Variants in ICE1 observed in about 807,000 individuals in gnomAD.
The protein encoded by ICE1 is little elongation complex subunit 1.
ICE1 carries 64 observed loss-of-function variants against 192.7 expected under a neutral mutation model. The observed-to-expected ratio is 0.33, with a 90% CI of 0.27 to 0.41. ICE1 has a LOEUF of 0.41. Ranked by LOEUF, ICE1 falls within the 10% of genes least tolerant of loss-of-function variation. The pLI is 1.00. For synonymous variants in ICE1, 1,010 were observed against 984.5 expected (o/e 1.03, Z -0.49); for missense variants, 2,708 against 2,696.0 (o/e 1.00, Z -0.10).
intron 17 of ICE1, among the ~76,000 whole-genome samples, chr5:5,482,775 AACACAC>A (rs70965943): frequency 0.035 from 4,824 of 136,048 alleles, 250 homozygotes; most frequent in East Asian, 0.26. Context: ...CCCACCCCCC[AACACAC>A]ACACACACAC....
intron 10 of ICE1, among the ~76,000 whole-genome samples, chr5:5,448,408 A>G (rs189353212): frequency 6.6e-6 from 1 of 151,560 alleles, no homozygotes; most frequent in African/African-American, 2.4e-5. Flanking sequence ...GTGGACACAC[A>G]CTGCGTTACT....
chr5:5,465,393 G>A (rs73736657), intron 13 of ICE1, among the ~76,000 whole-genome samples, 167 bp downstream of exon 13: 9,488 of 152,216 alleles, frequency 0.062, 971 homozygotes, highest in African/African-American at 0.22. Flanking sequence ...GCATTTTACA[G>A]ATTTAAAATA....
chr5:5,460,420 A>G lies in ICE1; in HGVS notation c.1102-16A>G. ...GTTGAATTAGTGTTTGACAAGTGTA[A>G]TTCATATTTTTTAAGGAAACCTACT... On this transcript the variant is annotated splice_polypyrimidine_tract_variant and intron_variant, in intron 12 of 18. Coordinates refer to ENST00000296564, the MANE Select transcript of ICE1 (RefSeq NM_015325.3). 1 of 1,415,806 alleles carries G rather than the reference A, an allele frequency of 7.1e-7. No homozygotes were observed. Among genetic ancestry groups the G allele is most frequent in the Non-Finnish European group, 9.6e-7 (1 of 1,038,730 alleles). The allele number at this position is 1,415,806 out of a possible 1,614,324, so 87.7% of individuals were successfully genotyped here.
intron 7 of ICE1, among the ~76,000 whole-genome samples, chr5:5,445,763 C>T (rs1483889571): frequency 1.3e-5 from 2 of 151,090 alleles, no homozygotes; most frequent in Non-Finnish European, 2.9e-5. Flanking sequence ...GAGGAAGTCT[C>T]GCTCTGTCGC....
chr5:5,435,346 T>C (rs1024144000), intron 1 of ICE1, among the ~76,000 whole-genome samples: 1 of 152,218 alleles, frequency 6.6e-6, no homozygotes, highest in African/African-American at 2.4e-5. Flanking sequence ...AAGGGAAATA[T>C]TACTGTAACT....
At chr5:5,452,074 G>GA (rs1209708290) in intron 10 of ICE1, among the ~76,000 whole-genome samples, 7 of 150,368 alleles carry the variant, frequency 4.7e-5, no homozygotes, top group Admixed American at 3.3e-4. Context: ...TGAGGTAATG[G>GA]AAAAAAAATT....
At chr5:5,455,934 ACCT>A (rs895596673) in intron 11 of ICE1, among the ~76,000 whole-genome samples, 2 of 149,788 alleles carry the variant, frequency 1.3e-5, no homozygotes, top group African/African-American at 4.9e-5. Context: ...TCTTGCTTTC[ACCT>A]CCTCCAGTCC....
At chr5:5,452,698 A>C (rs1199563731) in intron 10 of ICE1, among the ~76,000 whole-genome samples, 1 of 152,138 alleles carries the variant, frequency 6.6e-6, no homozygotes, top group Non-Finnish European at 1.5e-5. Flanking sequence ...AGAATAATAC[A>C]ATTTTTCAAC....
rs768912519 is a variant in ICE1 at position 5,463,716 on chromosome 5, G to T, written c.4382G>T (p.Cys1461Phe). The T allele has an allele frequency of 1.0e-4, 162 of 1,613,798 alleles. No individual in the cohort carries two copies. The highest frequency in any genetic ancestry group is 1.3e-4 in the Admixed American group (8 of 60,000). Residue 1461 changes from cysteine to phenylalanine, a missense_variant, in exon 13 of 19, where the codon TGC becomes TTC. Physicochemically the swap from Cys to Phe is radical, Grantham distance 205. Transcript: ENST00000296564. ...GATCAAGGAGAGCTGGAAGCTGGTT[G>T]CATCCCAGTGACTTCTGCTGAGAAG... ...SQDQGELEAGCIPVTSAEKSP... is the reference protein window; with the variant it reads ...SQDQGELEAGFIPVTSAEKSP...
Position 5,437,060 on chromosome 5 carries a change from T to A in ICE1, c.144-20T>A. 1 of 1,404,210 alleles carries A rather than the reference T, an allele frequency of 7.1e-7. No homozygotes were observed. The highest frequency in any genetic ancestry group is 1.2e-5 in the South Asian group (1 of 80,666). 87.0% of individuals were successfully genotyped at this position (1,404,210 alleles called of 1,614,324 possible). On this transcript the variant is annotated intron_variant, in intron 2 of 18. Coordinates refer to ENST00000296564, the MANE Select transcript of ICE1 (RefSeq NM_015325.3). ...TTTCTAAATTAAAAAGTAACCTAAT[T>A]TTTCTTTTCTTTTTTGCAGTAATTT...
chr5:5,462,955 C>G lies in ICE1; in HGVS notation c.3621C>G (p.Asn1207Lys), dbSNP rs1348725670. The change falls in exon 13 of 19, where the codon AAC becomes AAG. Residue 1207 changes from asparagine to lysine, a missense_variant. Transcript: ENST00000296564. ...AAGGAACCCTAAGTAAAGAAATGAA[C>G]AAAGAATTAAAGGCAAGTGAAATAG... ...SSKGTLSKEM[N>K]KELKASEIGE... 2.5e-6 allele frequency: 4 copies of G among 1,612,458 alleles called. No individual in the cohort carries two copies. In the South Asian group the frequency reaches 4.4e-5, roughly 18 times the overall value.
intron 1 of ICE1, among the ~76,000 whole-genome samples, chr5:5,435,694 T>TTC (rs1737854138): frequency 1.8e-5 from 2 of 110,174 alleles, no homozygotes; most frequent in African/African-American, 8.3e-5. Flanking sequence ...GTTTTTTTTT[T>TTC]CGAGATGGAA....
chr5:5,461,017 A>G lies in ICE1; in HGVS notation c.1683A>G (p.Ser561=). ...CTAAAATGATGGGATCGCCCAAATC[A>G]GAGTTTACTAAGTGGACACGAATTA... The part of the protein sequence containing the change: ...VLSKMMGSPK[S]EFTKWTRINE... The change falls in exon 13 of 19, where the codon TCA becomes TCG. Residue 561 remains serine, a synonymous_variant. Coordinates refer to ENST00000296564, the MANE Select transcript of ICE1 (RefSeq NM_015325.3). 1 of 1,614,084 alleles carries G rather than the reference A, an allele frequency of 6.2e-7. No homozygotes were observed. The highest frequency in any genetic ancestry group is 1.1e-5 in the South Asian group (1 of 91,086).
intron 10 of ICE1, among the ~76,000 whole-genome samples, chr5:5,454,230 A>G (rs1226368814): frequency 6.6e-6 from 1 of 152,184 alleles, no homozygotes; most frequent in Non-Finnish European, 1.5e-5. Flanking sequence ...TGGGCCAAAG[A>G]TTCATTTGTC....
rs1738799575 is a variant in ICE1, at chr5:5,461,945, C to G, written c.2611C>G (p.Gln871Glu). The G allele has an allele frequency of 6.2e-7, 1 of 1,613,916 alleles. No homozygotes were observed. Among genetic ancestry groups the G allele is most frequent in the East Asian group, 2.2e-5 (1 of 44,880 alleles). The change falls in exon 13 of 19, where the codon CAG (glutamine) becomes GAG (glutamate). Residue 871 changes from glutamine (Q) to glutamate (E), a missense_variant. Around this residue, in one of 2 missense-constraint regions of ICE1, gnomAD observed 2,366 missense variants for 2,276.6 expected, o/e 1.04. Coordinates refer to ENST00000296564, the MANE Select transcript of ICE1 (RefSeq NM_015325.3). ...AAAACAGACAAGACCTGAAAAGGTT[C>G]AGAGTGCCAAATTGGAACACTTGAG... ...ITKQTRPEKV[Q>E]SAKLEHLRPH...
At position 5,423,147 on chromosome 5, in the gene ICE1, C is replaced by T. The variant is rs544010635; in HGVS notation, c.84+148C>T. 393 of 430,832 alleles carry T rather than the reference C, an allele frequency of 9.1e-4. No homozygotes were observed. In the Middle Eastern group the frequency reaches 0.011, roughly 12 times the overall value. 26.7% of individuals were successfully genotyped at this position (430,832 alleles called of 1,614,324 possible). A position where few individuals can be genotyped will look rare whatever the true frequency, so the allele number is the denominator to read the frequency against. ...TAGCTCTTGCTCGCTCGTCTCTCTG[C>T]TCTCTTTTTCCTACATGAGTTTTGG... On this transcript the variant is annotated intron_variant, in intron 1 of 18. Transcript: ENST00000296564.
In ICE1 at chr5:5,422,720, T is replaced by C; in HGVS notation, c.-196T>C. 1 of 360,040 alleles carries C rather than the reference T, an allele frequency of 2.8e-6. No individual in the cohort carries two copies. The highest frequency in any genetic ancestry group is 4.9e-6 in the Non-Finnish European group (1 of 202,832). The allele number at this position is 360,040 out of a possible 1,614,324, so 22.3% of individuals were successfully genotyped here. On this transcript the variant is annotated 5_prime_UTR_variant, in exon 1 of 19. Transcript: ENST00000296564. ...GGGCCGCGCCGGGTAGCGTTTCTTTTTAGTGCCTGAGGCAGCTCTGGCTCG... is the reference window on the plus strand; with the variant it reads ...GGGCCGCGCCGGGTAGCGTTTCTTTCTAGTGCCTGAGGCAGCTCTGGCTCG...
At chr5:5,455,173 G>C (rs1738548096) in intron 11 of ICE1, among the ~76,000 whole-genome samples, 1 of 152,134 alleles carries the variant, frequency 6.6e-6, no homozygotes, top group East Asian at 1.9e-4. Flanking sequence ...TTGATTAGCT[G>C]CTGTAAATTC....
intron 1 of ICE1, among the ~76,000 whole-genome samples, chr5:5,425,964 T>C (rs907460389): frequency 2.0e-5 from 3 of 152,106 alleles, no homozygotes; most frequent in Non-Finnish European, 4.4e-5. Flanking sequence ...CAAATGACCA[T>C]GAGAACTGTG....
Sources: gnomAD v4.1 joint callset for allele counts (sites outside exome capture counted in the v4.1 genomes callset) on GRCh38, gnomAD v4.1.1 for gene constraint, gnomAD v4.1.1 regional missense constraint, MANE v1.5 for transcripts, NCBI Gene and HGNC (gene_info 2026-07-23, HGNC 2026-07-21) for gene names.